The following GABRG3 variants were observed in gnomAD, a reference collection of about 807,000 sequenced individuals.
GABRG3 encodes the protein gamma-aminobutyric acid type A receptor subunit gamma3.
A neutral mutation model predicts 48.8 loss-of-function variants in GABRG3; 25 were observed. The observed-to-expected ratio is 0.51, with a 90% CI of 0.37 to 0.72. GABRG3 has a LOEUF of 0.72. Among genes scored for constraint, GABRG3 ranks in the 30% least tolerant of loss-of-function variants. The pLI, the probability that GABRG3 is intolerant of heterozygous loss-of-function variation, is 0.00. For missense variants in GABRG3, 394 were observed against 577.9 expected (o/e 0.68, Z 3.26); for synonymous variants, 227 against 217.6 (o/e 1.04, Z -0.38).
chr15:27,221,441 A>G (rs1196427188), intron 3 of GABRG3, among the ~76,000 whole-genome samples: 1 of 152,200 alleles, frequency 6.6e-6, no homozygotes, highest in East Asian at 1.9e-4. Flanking sequence ...GAAAACAAAA[A>G]CAATCAACAA....
Position 27,520,134 on chromosome 15 carries a change from A to ACCT in GABRG3, c.865+10_865+11insCCT, listed in dbSNP as rs767932957. On this transcript the variant is annotated intron_variant, in intron 7 of 9. Coordinates refer to ENST00000615808, the MANE Select transcript of GABRG3 (RefSeq NM_033223.5). ...GCAAGAACAGCATTAGGTGAGTTTC[A>ACCT]AAAAATCTCTTCCACAAATTTGCGT... 1.4e-5 allele frequency: 23 copies of ACCT among 1,586,264 alleles called. No individual in the cohort carries two copies. The East Asian group carries it at 5.2e-4, about 36-fold the overall frequency.
At chr15:27,191,943 T>A (rs1003952560) in intron 3 of GABRG3, among the ~76,000 whole-genome samples, 6 of 152,100 alleles carry the variant, frequency 3.9e-5, no homozygotes, top group African/African-American at 1.2e-4. Flanking sequence ...TCTCTCAGCA[T>A]TTGCTTGTCT....
At position 26,971,261 on chromosome 15, in the gene GABRG3, T is replaced by TC. The variant is rs1333617763; in HGVS notation, c.-271dup. On this transcript the variant is annotated 5_prime_UTR_variant, in exon 1 of 10. Coordinates refer to ENST00000615808, the MANE Select transcript of GABRG3 (RefSeq NM_033223.5). ...GGGTGGGCGGCGCCGCGCCAGGGGG[T>TC]CCCCGGCGCCCATTGCTCCCGCCGC... The TC allele has an allele frequency of 1.3e-5, 2 of 152,444 alleles. No individual in the cohort carries two copies. The highest frequency in any genetic ancestry group is 4.9e-5 in the African/African-American group (2 of 41,100). The allele number at this position is 152,444 out of a possible 1,614,324, so 9.4% of individuals were successfully genotyped here. A position where few individuals can be genotyped will look rare whatever the true frequency, so the allele number is the denominator to read the frequency against.
chr15:27,524,039 A>T (rs1289955701), intron 7 of GABRG3, among the ~76,000 whole-genome samples: 2 of 152,134 alleles, frequency 1.3e-5, no homozygotes, highest in Non-Finnish European at 2.9e-5. Context: ...CAAGAAGCTG[A>T]ATTAATCCCA....
chr15:27,076,620 G>A (rs979044416), intron 3 of GABRG3, among the ~76,000 whole-genome samples: 2 of 152,114 alleles, frequency 1.3e-5, no homozygotes, highest in Admixed American at 6.6e-5. Flanking sequence ...CACCGTGCCC[G>A]GTGAGCCACC....
chr15:27,509,316 T>TG (rs1159028647), intron 6 of GABRG3, among the ~76,000 whole-genome samples: 7 of 149,478 alleles, frequency 4.7e-5, no homozygotes, highest in South Asian at 2.1e-4. Flanking sequence ...TATATGTAGT[T>TG]GGGGGGTTTG....
chr15:27,420,506 A>T (rs1888079648), intron 5 of GABRG3, among the ~76,000 whole-genome samples: 1 of 152,164 alleles, frequency 6.6e-6, no homozygotes, highest in African/African-American at 2.4e-5. Context: ...CACACCGGGA[A>T]TTTGCTAAGA....
intron 3 of GABRG3, among the ~76,000 whole-genome samples, chr15:27,278,614 T>C (rs1360166749): frequency 1.3e-5 from 2 of 152,202 alleles, no homozygotes; most frequent in Non-Finnish European, 2.9e-5. Flanking sequence ...CTCCAACTTA[T>C]GTGTATCAAT....
intron 3 of GABRG3, among the ~76,000 whole-genome samples, chr15:27,196,339 G>GCT (rs374590284): frequency 6.6e-6 from 1 of 151,724 alleles, no homozygotes; most frequent in African/African-American, 2.4e-5. Context: ...TCCTGTTCCT[G>GCT]CTCTCTCTCT....
In GABRG3 at chr15:27,536,076, A is replaced by C. The variant is rs942834129; in HGVS notation, c.*3195A>C. 1.3e-5 allele frequency: 2 copies of C among 152,212 alleles called. No homozygotes were observed. The highest frequency in any genetic ancestry group is 4.8e-5 in the African/African-American group (2 of 41,450). The allele number at this position is 152,212 out of a possible 1,614,324, so 9.4% of individuals were successfully genotyped here. A position where few individuals can be genotyped will look rare whatever the true frequency, so the allele number is the denominator to read the frequency against. ...AAATACTCTAAGTTGAGGAGATGAC[A>C]GTTCTGTATTTTGACATGGAATCCA... On this transcript the variant is annotated 3_prime_UTR_variant, in exon 10 of 10. Transcript: ENST00000615808.
chr15:27,087,355 C>G (rs1419158321), intron 3 of GABRG3, among the ~76,000 whole-genome samples: 1 of 152,190 alleles, frequency 6.6e-6, no homozygotes, highest in Non-Finnish European at 1.5e-5. Flanking sequence ...CTTCTGAGCT[C>G]TGTAGGATGA....
At chr15:27,380,597 T>G (rs1895735743) in intron 5 of GABRG3, among the ~76,000 whole-genome samples, 1 of 152,140 alleles carries the variant, frequency 6.6e-6, no homozygotes, top group African/African-American at 2.4e-5. Flanking sequence ...TGTCAGAGGC[T>G]AACATTTTCT....
chr15:27,524,438 A>C (rs1891228307), intron 7 of GABRG3, among the ~76,000 whole-genome samples: 1 of 152,146 alleles, frequency 6.6e-6, no homozygotes, highest in African/African-American at 2.4e-5. Flanking sequence ...AAGAAAAAAT[A>C]CAAAAAGTGA....
chr15:27,102,093 C>T (rs1299107530), intron 3 of GABRG3, among the ~76,000 whole-genome samples: 1 of 152,168 alleles, frequency 6.6e-6, no homozygotes, highest in East Asian at 1.9e-4. Flanking sequence ...ATCGTGGACT[C>T]CCCTGATGTG....
intron 3 of GABRG3, among the ~76,000 whole-genome samples, chr15:27,084,652 G>A (rs1897046176): frequency 6.6e-6 from 1 of 152,238 alleles, no homozygotes; most frequent in South Asian, 2.1e-4. Flanking sequence ...AACTAAGTAT[G>A]TCTGTTTTCG....
In GABRG3 at chr15:27,142,858, G is replaced by A. The variant is rs138047237; in HGVS notation, c.270+116037G>A. Among the ~76,000 whole-genome samples, 142 of 151,782 alleles carry A rather than the reference G, an allele frequency of 9.4e-4. No individual in the cohort carries two copies. The East Asian group carries it at 0.016, about 17-fold the overall frequency. The stretch of plus-strand genomic sequence containing the variant: ...GTGTAACCATGGCTCCTCAAGTGAC[G>A]CTCCTACCTCAGCCTTCCCAGTAGC... On this transcript the variant is annotated intron_variant, in intron 3 of 9. Transcript: ENST00000615808.
chr15:27,022,276 C>G (rs886486503), intron 2 of GABRG3, among the ~76,000 whole-genome samples: 3 of 152,204 alleles, frequency 2.0e-5, no homozygotes, highest in Admixed American at 1.3e-4. Flanking sequence ...AGGAGAACAT[C>G]TAGAATCAGA....
At chr15:27,435,618 G>A (rs975267300) in intron 5 of GABRG3, among the ~76,000 whole-genome samples, 1 of 152,054 alleles carries the variant, frequency 6.6e-6, no homozygotes, top group Non-Finnish European at 1.5e-5. Flanking sequence ...AATAGAGGGT[G>A]TACTTTAAAT....
At chr15:27,279,356 T>C (rs943236064) in intron 3 of GABRG3, among the ~76,000 whole-genome samples, 5 of 152,204 alleles carry the variant, frequency 3.3e-5, no homozygotes, top group African/African-American at 1.2e-4. Flanking sequence ...ATCTTGAAGA[T>C]TTTCTCTTAG....
Sources: gnomAD v4.1 joint callset for allele counts (sites outside exome capture counted in the v4.1 genomes callset) on GRCh38, gnomAD v4.1.1 for gene constraint, MANE v1.5 for transcripts, NCBI Gene and HGNC (gene_info 2026-07-23, HGNC 2026-07-21) for gene names.